Variants in ARHGAP24 observed in about 807,000 individuals in gnomAD.
The protein encoded by ARHGAP24 is rho GTPase-activating protein 24.
In ARHGAP24, 50 loss-of-function variants were observed where a neutral mutation model predicts 76.4. That is an observed-to-expected ratio of 0.65 (90% confidence interval 0.52 to 0.83). The LOEUF is 0.83. Ranked by LOEUF, ARHGAP24 falls within the 40% of genes least tolerant of loss-of-function variation. The pLI, the probability that ARHGAP24 is intolerant of heterozygous loss-of-function variation, is 0.00. For synonymous variants in ARHGAP24, 345 were observed against 323.3 expected (o/e 1.07, Z -0.72); for missense variants, 930 against 914.2 (o/e 1.02, Z -0.22).
rs1272519797 is a variant in ARHGAP24 at position 86,000,614 on chromosome 4, A to G, written c.2139A>G (p.Lys713=). 5.0e-6 allele frequency: 8 copies of G among 1,614,078 alleles called. No homozygotes were observed. The highest frequency in any genetic ancestry group is 6.8e-6 in the Non-Finnish European group (8 of 1,179,984). The change falls in exon 10 of 10, where the codon AAA becomes AAG. Residue 713 remains lysine (K), a synonymous_variant. Coordinates refer to ENST00000395184, the MANE Select transcript of ARHGAP24 (RefSeq NM_001025616.3). ...NAERAKEDAE[K]RNDMLQKEME... ...AGCGAGCAAAAGAAGATGCCGAGAA[A>G]AGAAATGACATGCTACAGAAAGAAA...
At chr4:85,819,279 A>G (rs1021968880) in intron 3 of ARHGAP24, among the ~76,000 whole-genome samples, 2 of 152,250 alleles carry the variant, frequency 1.3e-5, no homozygotes, top group Non-Finnish European at 2.9e-5. Flanking sequence ...GCAGACTGTC[A>G]TATAATGACA....
intron 1 of ARHGAP24, among the ~76,000 whole-genome samples, chr4:85,517,205 G>C (rs1322713047): frequency 6.6e-6 from 1 of 152,126 alleles, no homozygotes; most frequent in African/African-American, 2.4e-5. Flanking sequence ...ATATAGGGCA[G>C]TGTTAGCTCA....
rs1168231977 is a variant in ARHGAP24 at position 85,648,328 on chromosome 4, T to C, written c.181-73557T>C. Among the ~76,000 whole-genome samples, 5 of 152,148 alleles carry C rather than the reference T, an allele frequency of 3.3e-5. No homozygotes were observed. The South Asian group carries it at 6.2e-4, about 19-fold the overall frequency. On this transcript the variant is annotated intron_variant, in intron 2 of 9. Transcript: ENST00000395184. ...AATAATGCGTATTATTGTTAGATAC[T>C]CAATTATAGCTATGACAATTAGTTT...
chr4:85,675,220 T>A (rs918304187), intron 2 of ARHGAP24, among the ~76,000 whole-genome samples: 1 of 152,154 alleles, frequency 6.6e-6, no homozygotes, highest in Non-Finnish European at 1.5e-5. Flanking sequence ...CCATGACGCA[T>A]GTGTCCCTGA....
chr4:85,571,364 A>T (rs1200271797), intron 2 of ARHGAP24, among the ~76,000 whole-genome samples: 1 of 152,216 alleles, frequency 6.6e-6, no homozygotes, highest in Non-Finnish European at 1.5e-5. Context: ...CTTCATCTGC[A>T]TTTCCATAGT....
chr4:85,746,890 T>G (rs1185931056), intron 3 of ARHGAP24, among the ~76,000 whole-genome samples: 1 of 152,080 alleles, frequency 6.6e-6, no homozygotes, highest in Admixed American at 6.6e-5. Flanking sequence ...CCTGACCTCG[T>G]GATCTGCCCG....
chr4:85,535,135 A>G (rs915306577), intron 1 of ARHGAP24, among the ~76,000 whole-genome samples: 34 of 152,248 alleles, frequency 2.2e-4, no homozygotes, highest in African/African-American at 7.7e-4. Flanking sequence ...AGATTTTCCA[A>G]TGCACAAAGA....
intron 3 of ARHGAP24, among the ~76,000 whole-genome samples, chr4:85,785,286 G>T (rs1578225783): frequency 6.6e-6 from 1 of 152,062 alleles, no homozygotes; most frequent in Non-Finnish European, 1.5e-5. Flanking sequence ...TTATAAAAAT[G>T]GAATCAAATT....
chr4:85,876,999 T>C (rs1202808273), intron 3 of ARHGAP24, among the ~76,000 whole-genome samples: 2 of 152,240 alleles, frequency 1.3e-5, no homozygotes, highest in Non-Finnish European at 2.9e-5. Context: ...CTTTTTAAAC[T>C]ACTACATTAT....
At chr4:85,544,484 A>G (rs1458972465) in intron 1 of ARHGAP24, among the ~76,000 whole-genome samples, 2 of 152,162 alleles carry the variant, frequency 1.3e-5, no homozygotes, top group Non-Finnish European at 2.9e-5. Context: ...AACAAAAGGA[A>G]GGGAAAAACT....
chr4:85,839,193 A>G (rs1281492151), intron 3 of ARHGAP24, among the ~76,000 whole-genome samples: 2 of 152,250 alleles, frequency 1.3e-5, no homozygotes, highest in Non-Finnish European at 2.9e-5. Flanking sequence ...AAATTATTTT[A>G]AACATTAAAA....
At chr4:85,807,425 C>A (rs1413264700) in intron 3 of ARHGAP24, among the ~76,000 whole-genome samples, 2 of 152,174 alleles carry the variant, frequency 1.3e-5, no homozygotes, top group African/African-American at 4.8e-5. Flanking sequence ...TTATCCCACT[C>A]CTGATACAGT....
At chr4:85,679,233 T>C (rs192130137) in intron 2 of ARHGAP24, among the ~76,000 whole-genome samples, 1 of 152,238 alleles carries the variant, frequency 6.6e-6, no homozygotes, top group African/African-American at 2.4e-5. Flanking sequence ...TTCTCTCAGA[T>C]CTTTAAAGGT....
Position 85,995,443 on chromosome 4 carries a change from C to G in ARHGAP24, c.1789C>G (p.Pro597Ala), listed in dbSNP as rs1373832463. 1 of 1,608,822 alleles carries G rather than the reference C, an allele frequency of 6.2e-7. No homozygotes were observed. The highest frequency in any genetic ancestry group is 1.3e-5 in the African/African-American group (1 of 74,670). Residue 597 changes from proline (P) to alanine (A), a missense_variant, in exon 9 of 10, where the codon CCG becomes GCG. Coordinates refer to ENST00000395184, the MANE Select transcript of ARHGAP24 (RefSeq NM_001025616.3). Reference protein sequence around the residue: ...NFEDPVLDGPPQDDLSHPRDY... With the variant: ...NFEDPVLDGPAQDDLSHPRDY... ...TGAGGACCCTGTTTTGGATGGGCCCCCGCAGGACGACCTTTCCCACCCCAG... is the reference window on the plus strand; with the variant it reads ...TGAGGACCCTGTTTTGGATGGGCCCGCGCAGGACGACCTTTCCCACCCCAG...
At chr4:85,522,904 C>A (rs1007373425) in intron 1 of ARHGAP24, among the ~76,000 whole-genome samples, 1 of 151,886 alleles carries the variant, frequency 6.6e-6, no homozygotes, top group Non-Finnish European at 1.5e-5. Context: ...CTCACTTTGA[C>A]TTTTCTTTTG....
chr4:85,814,004 C>A (rs1333406995), intron 3 of ARHGAP24, among the ~76,000 whole-genome samples: 1 of 151,774 alleles, frequency 6.6e-6, no homozygotes, highest in East Asian at 1.9e-4. Flanking sequence ...TCTCAAATGG[C>A]AGTGGCAAGA....
intron 3 of ARHGAP24, among the ~76,000 whole-genome samples, chr4:85,800,710 T>G (rs1728543837): frequency 6.6e-6 from 1 of 152,238 alleles, no homozygotes; most frequent in African/African-American, 2.4e-5. Flanking sequence ...TTCTGCTGCA[T>G]AGCAACTGAA....
At chr4:85,622,640 T>C (rs1720762655) in intron 2 of ARHGAP24, among the ~76,000 whole-genome samples, 1 of 152,172 alleles carries the variant, frequency 6.6e-6, no homozygotes, top group South Asian at 2.1e-4. Flanking sequence ...TTAAATGGTA[T>C]TTCTAGTTCT....
At chr4:85,943,972 C>A (rs1466513655) in intron 5 of ARHGAP24, among the ~76,000 whole-genome samples, 1 of 152,024 alleles carries the variant, frequency 6.6e-6, no homozygotes, top group Non-Finnish European at 1.5e-5. Flanking sequence ...TGGGTATATA[C>A]CCAGTAATGG....
Sources: allele counts gnomAD v4.1 joint callset (sites outside exome capture counted in the v4.1 genomes callset), GRCh38; gene constraint gnomAD v4.1.1; transcripts MANE v1.5; gene names NCBI Gene and HGNC (gene_info 2026-07-23, HGNC 2026-07-21).